NRG1: variants seen among roughly 807,000 people sequenced by gnomAD.
NRG1 encodes neuregulin 1.
A neutral mutation model predicts 63.8 loss-of-function variants in NRG1; 18 were observed. The ratio of observed to expected loss-of-function variants is 0.28; its 90% confidence interval spans 0.19 to 0.42. The LOEUF (loss-of-function observed/expected upper bound fraction) is 0.42, where lower values mean the gene tolerates loss of function less well. Among genes scored for constraint, NRG1 ranks in the 10% least tolerant of loss-of-function variants. The pLI, the probability that NRG1 is intolerant of heterozygous loss-of-function variation, is 1.00. For missense variants in NRG1, 762 were observed against 814.7 expected, an observed-to-expected ratio of 0.94 and a Z score of 0.79; for synonymous variants, 302 against 301.3, an observed-to-expected ratio of 1.00 and a Z score of -0.02.
intron 1 of NRG1, among the ~76,000 whole-genome samples, chr8:32,047,310 A>G (rs1448444012): frequency 6.6e-6 from 1 of 152,082 alleles, no homozygotes; most frequent in African/African-American, 2.4e-5. Context: ...GTAGGCGAGG[A>G]TGAATTTCAT....
At chr8:32,770,339 A>C (rs1182245739), downstream of NRG1, among the ~76,000 whole-genome samples, 2 of 152,284 alleles carry the variant, frequency 1.3e-5, no homozygotes, top group Non-Finnish European at 2.9e-5. Context: ...GAAGGTTAAA[A>C]TCTTTCTTGG....
At chr8:32,525,723 C>T (rs1480664369) in intron 1 of NRG1, among the ~76,000 whole-genome samples, 1 of 152,158 alleles carries the variant, frequency 6.6e-6, no homozygotes, top group Non-Finnish European at 1.5e-5. Flanking sequence ...TCAGCACCAA[C>T]ACCCGCCCCC....
chr8:32,763,043 G>A (rs1831001478), intron 11 of NRG1, among the ~76,000 whole-genome samples: 1 of 152,162 alleles, frequency 6.6e-6, no homozygotes. Context: ...TAACTGTGAA[G>A]CCAAATTAGG....
chr8:31,816,388 C>A (rs983076408), intron 1 of NRG1, among the ~76,000 whole-genome samples: 4 of 152,190 alleles, frequency 2.6e-5, no homozygotes, highest in Admixed American at 2.6e-4. Context: ...ATGATTCTTA[C>A]TTAGATTCTT....
At chr8:31,832,247 T>C (rs574672334) in intron 1 of NRG1, among the ~76,000 whole-genome samples, 97 of 126,236 alleles carry the variant, frequency 7.7e-4, no homozygotes, top group South Asian at 9.1e-4. Flanking sequence ...TTAAATGCTC[T>C]AGTTTTTTTT....
chr8:32,505,589 T>G (rs1828419701), intron 1 of NRG1, among the ~76,000 whole-genome samples: 2 of 152,188 alleles, frequency 1.3e-5, no homozygotes, highest in South Asian at 4.1e-4. Flanking sequence ...GCCCTCATGA[T>G]GGAAAGTCAT....
chr8:31,939,616 T>C (rs1350072271), intron 1 of NRG1, among the ~76,000 whole-genome samples: 6 of 152,142 alleles, frequency 3.9e-5, no homozygotes, highest in South Asian at 2.1e-4. Context: ...TCTTAAAAGA[T>C]ACAGAATGGC....
chr8:31,669,826 C>T (rs1806936896), intron 1 of NRG1, among the ~76,000 whole-genome samples: 1 of 152,074 alleles, frequency 6.6e-6, no homozygotes, highest in Admixed American at 6.6e-5. Flanking sequence ...CCCTTGGGGA[C>T]ATTGAATAAA....
At position 32,263,024 on chromosome 8, in the gene NRG1, T is replaced by C. The variant is rs372321097; in HGVS notation, c.38-332804T>C. On this transcript the variant is annotated intron_variant, in intron 1 of 10. Coordinates refer to the NRG1 transcript ENST00000519301. The stretch of plus-strand genomic sequence containing the variant: ...GCTACTTGTTAATGGGTCCTCTTAA[T>C]TGGCTATGTATAAAATAAGATTCCC... Among the ~76,000 whole-genome samples, 7 of 152,308 alleles carry C rather than the reference T, an allele frequency of 4.6e-5. 1 individual carries two copies.
At chr8:31,859,762 G>T (rs987996501) in intron 1 of NRG1, among the ~76,000 whole-genome samples, 1 of 152,192 alleles carries the variant, frequency 6.6e-6, no homozygotes, top group Non-Finnish European at 1.5e-5. Flanking sequence ...CTATCTTTCA[G>T]CAAATGAAGA....
intron 1 of NRG1, among the ~76,000 whole-genome samples, chr8:31,684,746 G>A (rs1351513788): frequency 6.6e-6 from 1 of 151,878 alleles, no homozygotes; most frequent in Non-Finnish European, 1.5e-5. Flanking sequence ...ATAAATAAGA[G>A]CATTTTAAGT....
intron 1 of NRG1, among the ~76,000 whole-genome samples, chr8:32,520,463 C>G (rs1040904424): frequency 2.8e-4 from 43 of 152,106 alleles, no homozygotes; most frequent in African/African-American, 1.0e-3. Flanking sequence ...CCAGCCTAGC[C>G]CAGGTTCTTT....
intron 1 of NRG1, among the ~76,000 whole-genome samples, chr8:31,793,346 A>AG (rs1415317403): frequency 6.6e-6 from 1 of 152,212 alleles, no homozygotes; most frequent in African/African-American, 2.4e-5. Context: ...CAATGCTGAA[A>AG]GAGAAACACC....
In NRG1 at chr8:31,884,851, G is replaced by A. The variant is rs537140402; in HGVS notation, c.37+245420G>A. On this transcript the variant is annotated intron_variant, in intron 1 of 10. Transcript: ENST00000519301. ...GGCCACTGAAGAGAACCAAAAGTAG[G>A]AATTAGAACTGAAGATACAGCAAGA... Among the ~76,000 whole-genome samples the A allele has an allele frequency of 8.4e-4, 127 of 152,062 alleles. 2 individuals carry two copies. In the South Asian group the frequency reaches 0.026, roughly 31 times the overall value.
intron 1 of NRG1, among the ~76,000 whole-genome samples, chr8:32,305,786 A>C (rs543024273): frequency 6.6e-6 from 1 of 152,162 alleles, no homozygotes; most frequent in Non-Finnish European, 1.5e-5. Flanking sequence ...CATTTTTTGT[A>C]GTTAGTAAAT....
intron 1 of NRG1, among the ~76,000 whole-genome samples, chr8:32,268,160 A>T (rs1362307749): frequency 2.0e-5 from 3 of 152,160 alleles, no homozygotes; most frequent in Non-Finnish European, 4.4e-5. Flanking sequence ...TTCTGCCAAC[A>T]ATCTGAAGGA....
chr8:32,482,426 T>TGTGTGTGTGTGTGTGTG (rs1301144600), intron 1 of NRG1, among the ~76,000 whole-genome samples: 9 of 55,998 alleles, frequency 1.6e-4, no homozygotes, highest in African/African-American at 6.9e-4. Context: ...GTGTGTGTGT[T>TGTGTGTGTGTGTGTGTG]CTCTGGTATC....
intron 6 of NRG1, among the ~76,000 whole-genome samples, chr8:32,738,694 A>G (rs1825693015): frequency 6.6e-6 from 1 of 152,248 alleles, no homozygotes; most frequent in Non-Finnish European, 1.5e-5. Flanking sequence ...ACAGAATTTC[A>G]CAGAGCTTAT....
intron 1 of NRG1, among the ~76,000 whole-genome samples, chr8:32,151,902 A>G (rs1837540174): frequency 6.6e-6 from 1 of 152,176 alleles, no homozygotes; most frequent in African/African-American, 2.4e-5. Context: ...CAATATTTAC[A>G]GTAAGGAAAG....
Sources: gnomAD v4.1 joint callset for allele counts (sites outside exome capture counted in the v4.1 genomes callset) on GRCh38, gnomAD v4.1.1 for gene constraint, MANE v1.5 for transcripts, NCBI Gene and HGNC (gene_info 2026-07-23, HGNC 2026-07-21) for gene names.